The following TRPM1 variants were observed in gnomAD, a reference collection of about 807,000 sequenced individuals.
TRPM1 encodes the protein TRPM1-203 APA Isoform, Intron 10.
TRPM1 carries 113 observed loss-of-function variants against 149.4 expected under a neutral mutation model. The ratio of observed to expected loss-of-function variants is 0.76; its 90% CI spans 0.65 to 0.88. The LOEUF (loss-of-function observed/expected upper bound fraction) is 0.88. Among genes scored for constraint, TRPM1 ranks in the 40% least tolerant of loss-of-function variants. The probability of loss-of-function intolerance (pLI) is 0.00; values close to 1 mark genes in which losing one functional copy is unlikely to be tolerated. For missense variants in TRPM1, 1,976 were observed against 2,038.7 expected, an observed-to-expected ratio of 0.97 and a Z score of 0.59; for synonymous variants, 741 against 759.5, an observed-to-expected ratio of 0.98 and a Z score of 0.40.
In TRPM1 at chr15:31,092,620, A is replaced by G. The variant is rs541639067; in HGVS notation, c.-84+9037T>C. 1.3e-5 allele frequency among the ~76,000 whole-genome samples: 2 copies of G among 152,352 alleles called. 1 individual carries two copies. On this transcript the variant is annotated intron_variant, in intron 1 of 27. Transcript: ENST00000256552. ...TTGTCTCAGGAAGTGGAGCAGGCATATCCTCCACAGCCCAGCACTTCCACA... is the reference window on the plus strand; with the variant it reads ...TTGTCTCAGGAAGTGGAGCAGGCATGTCCTCCACAGCCCAGCACTTCCACA...
At position 31,026,276 on chromosome 15, in the gene TRPM1, G is replaced by C. The variant is rs755111558; in HGVS notation, c.3497-5C>G. 1 of 1,609,856 alleles carries C rather than the reference G, an allele frequency of 6.2e-7. No individual in the cohort carries two copies. The highest frequency in any genetic ancestry group is 8.5e-7 in the Non-Finnish European group (1 of 1,180,006). On this transcript the variant is annotated splice_region_variant and splice_polypyrimidine_tract_variant and intron_variant, in intron 26 of 27. Coordinates refer to ENST00000256552, the MANE Select transcript of TRPM1 (RefSeq NM_001252024.2). ...CCTCGTCGCTAAGGAAGAGCTCTGTGTGAAGGGAGAAGTGTCGGCCACGTG... is the reference window on the plus strand; with the variant it reads ...CCTCGTCGCTAAGGAAGAGCTCTGTCTGAAGGGAGAAGTGTCGGCCACGTG...
chr15:31,058,345 G>A (rs1486543217), intron 11 of TRPM1, among the ~76,000 whole-genome samples: 2 of 152,204 alleles, frequency 1.3e-5, no homozygotes, highest in Non-Finnish European at 2.9e-5. Flanking sequence ...TAAATAGTTG[G>A]TGAATGATGG....
intron 3 of TRPM1, among the ~76,000 whole-genome samples, chr15:31,070,775 G>A (rs753141455): frequency 4.6e-5 from 7 of 152,192 alleles, no homozygotes; most frequent in South Asian, 2.1e-4. Flanking sequence ...GGCTGGTCTC[G>A]AACTCCTGGG....
At chr15:31,072,106 C>T (rs988979823) in intron 3 of TRPM1, among the ~76,000 whole-genome samples, 23 of 146,434 alleles carry the variant, frequency 1.6e-4, no homozygotes, top group African/African-American at 4.3e-4. Flanking sequence ...AGTTAATTTT[C>T]GAACATTTTC....
chr15:31,082,409 C>T (rs1304183969), intron 1 of TRPM1, among the ~76,000 whole-genome samples: 3 of 152,148 alleles, frequency 2.0e-5, no homozygotes, highest in Non-Finnish European at 4.4e-5. Flanking sequence ...ACTGCCACCA[C>T]GCCCCCAACC....
intron 7 of TRPM1, among the ~76,000 whole-genome samples, chr15:31,064,717 G>A (rs1265270669): frequency 6.6e-6 from 1 of 152,214 alleles, no homozygotes; most frequent in Non-Finnish European, 1.5e-5. Context: ...CCATTTCAGA[G>A]TTTCTAATTT....
At chr15:31,059,879 T>G (rs889484417) in intron 11 of TRPM1, among the ~76,000 whole-genome samples, 3 of 152,164 alleles carry the variant, frequency 2.0e-5, no homozygotes, top group Non-Finnish European at 2.9e-5. Context: ...TCCTTTATCA[T>G]GCAGACTTAT....
chr15:31,094,417 G>GA (rs1222415702), intron 1 of TRPM1, among the ~76,000 whole-genome samples: 1 of 151,878 alleles, frequency 6.6e-6, no homozygotes, highest in Non-Finnish European at 1.5e-5. Flanking sequence ...ATTAAGAAAG[G>GA]AAAAAAACCC....
chr15:31,002,782 A>G lies in TRPM1; in HGVS notation c.3918T>C (p.Phe1306=). 1 of 1,614,234 alleles carries G rather than the reference A, an allele frequency of 6.2e-7. No homozygotes were observed. Among genetic ancestry groups the G allele is most frequent in the African/African-American group, 1.3e-5 (1 of 75,056 alleles). Residue 1306 remains phenylalanine (F), a synonymous_variant, in exon 28 of 28, where the codon TTT becomes TTC. Coordinates refer to ENST00000256552, the MANE Select transcript of TRPM1 (RefSeq NM_001252024.2). The part of the protein sequence containing the change: ...RYHFNGEELL[F]EDTSLSTSPG... The stretch of plus-strand genomic sequence containing the variant: ...GTGACGTGGAGAGAGATGTATCCTC[A>G]AATAATAACTCTTCTCCGTTAAAAT...
At chr15:31,113,688 T>A (rs898381075) in intron 1 of TRPM1, among the ~76,000 whole-genome samples, 1 of 152,230 alleles carries the variant, frequency 6.6e-6, no homozygotes, top group Non-Finnish European at 1.5e-5. Context: ...TTAAGACTAC[T>A]GTGCCCATAG....
chr15:31,149,549 G>A (rs1190602616), intron 1 of TRPM1, among the ~76,000 whole-genome samples: 4 of 134,634 alleles, frequency 3.0e-5, no homozygotes, highest in South Asian at 2.3e-4. Flanking sequence ...TTTTTGAGAC[G>A]GAGTCTTTCG....
At chr15:31,122,799 A>G (rs2035897991) in intron 1 of TRPM1, among the ~76,000 whole-genome samples, 1 of 152,204 alleles carries the variant, frequency 6.6e-6, no homozygotes, top group South Asian at 2.1e-4. Flanking sequence ...AACCCCAGCA[A>G]GTAAGTTATT....
rs572242936 is a variant in TRPM1 at position 31,022,882 on chromosome 15, C to T, written c.3629+3257G>A. The stretch of plus-strand genomic sequence containing the variant: ...TAAAAAATAAAAAAAATTAGCTGGG[C>T]GTGGTGGCACATACATGTATTCCCA... On this transcript the variant is annotated intron_variant, in intron 27 of 27. Coordinates refer to ENST00000256552, the MANE Select transcript of TRPM1 (RefSeq NM_001252024.2). Among the ~76,000 whole-genome samples, 24 of 152,244 alleles carry T rather than the reference C, an allele frequency of 1.6e-4. No individual in the cohort carries two copies. The South Asian group carries it at 3.1e-3, about 20-fold the overall frequency.
rs138795762 is a variant in TRPM1 at position 31,117,484 on chromosome 15, C to T, written c.55-40500G>A. ...CTGGGCAACAAGATCGAAACTCTGT[C>T]TCAGGAAAAAAAAAATAGCTGAGCA... On this transcript the variant is annotated intron_variant, in intron 1 of 26. Transcript: ENST00000542188. Among the ~76,000 whole-genome samples the T allele has an allele frequency of 2.4e-3, 370 of 151,074 alleles. 1 individual carries two copies. Among genetic ancestry groups the T allele is most frequent in the African/African-American group, 8.7e-3 (357 of 41,030 alleles).
chr15:31,023,079 C>T (rs1311986548), intron 27 of TRPM1, among the ~76,000 whole-genome samples: 1 of 152,216 alleles, frequency 6.6e-6, no homozygotes, highest in Non-Finnish European at 1.5e-5. Flanking sequence ...TATGTGCAGG[C>T]TCTAGGTATA....
intron 1 of TRPM1, among the ~76,000 whole-genome samples, chr15:31,113,560 T>G (rs947593777): frequency 1.3e-5 from 2 of 152,182 alleles, no homozygotes; most frequent in Non-Finnish European, 2.9e-5. Context: ...AATGTTTTTT[T>G]TTAACTTTAG....
At chr15:31,137,733 C>A (rs2036108159) in intron 1 of TRPM1, among the ~76,000 whole-genome samples, 1 of 152,218 alleles carries the variant, frequency 6.6e-6, no homozygotes, top group Non-Finnish European at 1.5e-5. Context: ...TATTCACAAT[C>A]TATTAACTTT....
chr15:31,082,362 G>C (rs2034884190), intron 1 of TRPM1, among the ~76,000 whole-genome samples: 2 of 152,286 alleles, frequency 1.3e-5, no homozygotes, highest in Admixed American at 6.5e-5. Flanking sequence ...GCTGAGTGAA[G>C]GGACAGTGGA....
rs1167681557 is a variant in TRPM1, at chr15:31,050,454, T to C, written c.1392A>G (p.Glu464=). 6.2e-7 allele frequency: 1 copy of C among 1,613,934 alleles called. No homozygotes were observed. The highest frequency in any genetic ancestry group is 1.3e-5 in the African/African-American group (1 of 74,866). Residue 464 remains glutamate (E), a synonymous_variant, in exon 12 of 28, where the codon GAA becomes GAG. Transcript: ENST00000256552. ...KGKKKGKVKE[E]VEEETDPRKI... The stretch of plus-strand genomic sequence containing the variant: ...TCCGGGGGTCAGTTTCTTCCTCCAC[T>C]TCCTCTTTCACTTTCCCTTTCTTCT...
Sources: gnomAD v4.1 joint callset for allele counts (sites outside exome capture counted in the v4.1 genomes callset) on GRCh38, gnomAD v4.1.1 for gene constraint, MANE v1.5 for transcripts, NCBI Gene and HGNC (gene_info 2026-07-23, HGNC 2026-07-21) for gene names.